CHST11: variants seen among roughly 807,000 people sequenced by gnomAD.
CHST11 encodes the protein C4S-1.
A neutral mutation model predicts 30.4 loss-of-function variants in CHST11; 9 were observed. The ratio of observed to expected loss-of-function variants is 0.30; its 90% CI spans 0.18 to 0.52. CHST11 has a LOEUF of 0.52. Ranked by LOEUF, CHST11 falls within the 20% of genes least tolerant of loss-of-function variation. CHST11 has a pLI of 0.97. For synonymous variants in CHST11, 152 were observed against 187.8 expected, an observed-to-expected ratio of 0.81 and a Z score of 1.56; for missense variants, 348 against 460.6, an observed-to-expected ratio of 0.76 and a Z score of 2.24.
intron 2 of CHST11, among the ~76,000 whole-genome samples, chr12:104,625,552 G>A (rs1056691541): frequency 5.9e-5 from 9 of 152,176 alleles, no homozygotes; most frequent in Non-Finnish European, 7.3e-5. Context: ...CGATCCGCCC[G>A]CCTTGGCCTC....
intron 1 of CHST11, among the ~76,000 whole-genome samples, chr12:104,506,203 A>C (rs2141859): frequency 0.53 from 80,833 of 152,032 alleles, 22,995 homozygotes; most frequent in African/African-American, 0.74. Context: ...AACGCAGATA[A>C]CCAGTTTCAT....
intron 2 of CHST11, among the ~76,000 whole-genome samples, chr12:104,638,106 C>G (rs1198215220): frequency 6.6e-6 from 1 of 151,968 alleles, no homozygotes; most frequent in Non-Finnish European, 1.5e-5. Context: ...TAAAATGGGT[C>G]TTCCGGGTCA....
rs1234070425 is a variant in CHST11, at chr12:104,757,404, G to A, written c.660G>A (p.Gln220=). ...KRYGTKIIKR[Q]RKNATQEALR... Reference sequence around the variant, plus strand: ...ACGGCACCAAGATCATCAAACGCCAGCGGAAGAACGCCACCCAGGAGGCCC... The same window carrying A: ...ACGGCACCAAGATCATCAAACGCCAACGGAAGAACGCCACCCAGGAGGCCC... Residue 220 remains glutamine, a synonymous_variant, in exon 3 of 3, where the codon CAG becomes CAA. Transcript: ENST00000303694. The surrounding 1 kb of genome is among the most constrained non-coding windows in gnomAD (Gnocchi z 6.5). 1.9e-6 allele frequency: 3 copies of A among 1,614,122 alleles called. No homozygotes were observed. Among genetic ancestry groups the A allele is most frequent in the East Asian group, 2.2e-5 (1 of 44,874 alleles).
intron 2 of CHST11, among the ~76,000 whole-genome samples, chr12:104,671,208 C>G (rs2039693709): frequency 1.3e-5 from 2 of 152,180 alleles, no homozygotes; most frequent in South Asian, 4.1e-4. Flanking sequence ...CTCCGCAAAG[C>G]CTCTTGTGAT....
rs79630351 is a variant in CHST11, at chr12:104,594,522, G to A, written c.119-7384G>A. On this transcript the variant is annotated intron_variant, in intron 1 of 2. Coordinates refer to ENST00000303694, the MANE Select transcript of CHST11 (RefSeq NM_018413.6). The stretch of plus-strand genomic sequence containing the variant: ...GCCAAACTGTGATGTAGAAGGCTTC[G>A]GGCTTCTGTACTCTCCCTCCTCTTC... 1.4e-3 allele frequency among the ~76,000 whole-genome samples: 210 copies of A among 152,196 alleles called. 2 individuals carry two copies. Among genetic ancestry groups the A allele is most frequent in the African/African-American group, 4.7e-3 (196 of 41,522 alleles).
intron 2 of CHST11, among the ~76,000 whole-genome samples, chr12:104,661,902 GTTCTTT>G (rs2039602193): frequency 6.6e-6 from 1 of 152,136 alleles, no homozygotes; most frequent in Non-Finnish European, 1.5e-5. Flanking sequence ...GAAAACACCT[GTTCTTT>G]CTATTTGTGT....
rs987252777 is a variant in CHST11, at chr12:104,759,739, C to T, written c.*1936C>T. 6.6e-6 allele frequency: 1 copy of T among 152,120 alleles called. No individual in the cohort carries two copies. Among genetic ancestry groups the T allele is most frequent in the African/African-American group, 2.4e-5 (1 of 41,426 alleles). The allele number at this position is 152,120 out of a possible 1,614,324, so 9.4% of individuals were successfully genotyped here. ...AACGTTGTGTACCTTCTTCCGAGCT[C>T]TCTCCCCTTTGTGAAGGGCGCAGCA... On this transcript the variant is annotated 3_prime_UTR_variant, in exon 3 of 3. Transcript: ENST00000303694.
At position 104,574,859 on chromosome 12, in the gene CHST11, A is replaced by T. The variant is rs149357095; in HGVS notation, c.119-27047A>T. Among the ~76,000 whole-genome samples the T allele has an allele frequency of 8.1e-3, 1,228 of 150,930 alleles. 17 individuals are homozygous for T. Among genetic ancestry groups the T allele is most frequent in the African/African-American group, 0.029 (1,196 of 40,938 alleles). On this transcript the variant is annotated intron_variant, in intron 1 of 2. Coordinates refer to ENST00000303694, the MANE Select transcript of CHST11 (RefSeq NM_018413.6). ...GTACCCTAAAACTTAAAGTATAATT[A>T]AAAAAAAAGAAAAAAAGAAAGAAAA...
chr12:104,523,188 T>C (rs1225225438), intron 1 of CHST11, among the ~76,000 whole-genome samples: 1 of 152,132 alleles, frequency 6.6e-6, no homozygotes, highest in Non-Finnish European at 1.5e-5. Context: ...TAAGATGGAG[T>C]GGTGAGAGTC....
At chr12:104,592,210 G>GGCA (rs2038866226) in intron 1 of CHST11, among the ~76,000 whole-genome samples, 1 of 151,360 alleles carries the variant, frequency 6.6e-6, no homozygotes, top group Admixed American at 6.6e-5. Context: ...TCAGTGGGTG[G>GGCA]GCAGCATACC....
At chr12:104,567,142 C>T (rs1529422) in intron 1 of CHST11, among the ~76,000 whole-genome samples, 64,358 of 151,912 alleles carry the variant, frequency 0.42, 14,241 homozygotes, top group South Asian at 0.53. Context: ...ATCACACTGA[C>T]AAAGTAGTGT....
At chr12:104,537,958 A>G (rs1257376663) in intron 1 of CHST11, among the ~76,000 whole-genome samples, 1 of 152,202 alleles carries the variant, frequency 6.6e-6, no homozygotes, top group African/African-American at 2.4e-5. Flanking sequence ...AGCCTCCCAC[A>G]GTGCCGGGAT....
At chr12:104,587,336 T>C (rs139459052) in intron 1 of CHST11, among the ~76,000 whole-genome samples, 3 of 152,246 alleles carry the variant, frequency 2.0e-5, no homozygotes, top group African/African-American at 7.2e-5. Flanking sequence ...TAAAATGTCA[T>C]CTATTTACAG....
intron 2 of CHST11, among the ~76,000 whole-genome samples, chr12:104,727,585 C>T (rs1349320146): frequency 6.6e-6 from 1 of 152,184 alleles, no homozygotes; most frequent in South Asian, 2.1e-4. Flanking sequence ...CAGTCCACCA[C>T]CCAGCACATG....
chr12:104,730,395 A>G (rs574487774), intron 2 of CHST11, among the ~76,000 whole-genome samples: 1 of 152,390 alleles, frequency 6.6e-6, no homozygotes, highest in South Asian at 2.1e-4. Context: ...CAAGGGCACA[A>G]TAAATGTTAG....
At position 104,757,142 on chromosome 12, in the gene CHST11, G is replaced by C; in HGVS notation, c.398G>C (p.Arg133Pro). ...VPKVACTNWK[R>P]LMMVLTGRGK... ...AAGGTGGCCTGCACCAACTGGAAGC[G>C]GCTCATGATGGTCCTGACCGGGCGG... is the stretch of plus-strand genomic sequence containing the variant. The change falls in exon 3 of 3, where the codon CGG (arginine) becomes CCG (proline). Residue 133 changes from arginine to proline, a missense_variant. Transcript: ENST00000303694. This position sits in a 1 kb window ranked among gnomAD's most constrained non-coding sequence, Gnocchi z 6.5. 1.2e-6 allele frequency: 2 copies of C among 1,614,100 alleles called. No individual in the cohort carries two copies. The highest frequency in any genetic ancestry group is 2.2e-5 in the East Asian group (1 of 44,862).
intron 2 of CHST11, among the ~76,000 whole-genome samples, chr12:104,667,298 G>A (rs2039651185): frequency 6.6e-6 from 1 of 151,942 alleles, no homozygotes; most frequent in East Asian, 1.9e-4. Context: ...CCCCCACCAC[G>A]CTTCTGGTAA....
chr12:104,479,789 G>A (rs1363363319), intron 1 of CHST11, among the ~76,000 whole-genome samples: 1 of 152,204 alleles, frequency 6.6e-6, no homozygotes, highest in East Asian at 1.9e-4. Context: ...AGACAAATGT[G>A]TTCCTATGGC....
chr12:104,507,392 A>G (rs887316718), intron 1 of CHST11, among the ~76,000 whole-genome samples: 1 of 152,178 alleles, frequency 6.6e-6, no homozygotes, highest in South Asian at 2.1e-4. Flanking sequence ...AGAAGTTTTA[A>G]CACATGAAAA....
Sources: allele counts gnomAD v4.1 joint callset (sites outside exome capture counted in the v4.1 genomes callset), GRCh38; gene constraint gnomAD v4.1.1; non-coding constraint Gnocchi (gnomAD v3.1); transcripts MANE v1.5; gene names NCBI Gene and HGNC (gene_info 2026-07-23, HGNC 2026-07-21).